Variants in TSHZ3 observed in about 807,000 individuals in gnomAD.
TSHZ3 encodes the protein teashirt zinc finger homeobox 3.
In TSHZ3, 10 loss-of-function variants were observed where a neutral mutation model predicts 64.5. That is an observed-to-expected ratio of 0.16 (90% CI 0.10 to 0.26). The LOEUF (loss-of-function observed/expected upper bound fraction) is 0.26, where lower values mean the gene tolerates loss of function less well. TSHZ3 is among the 10% of genes least tolerant of loss of function. TSHZ3 has a pLI of 1.00. For synonymous variants in TSHZ3, 608 were observed against 593.1 expected, an observed-to-expected ratio of 1.03 and a Z score of -0.36; for missense variants, 1,242 against 1,421.7, an observed-to-expected ratio of 0.87 and a Z score of 2.03.
chr19:31,308,660 G>C (rs1293103340), intron 1 of TSHZ3: 2 of 398,418 alleles, frequency 5.0e-6, no homozygotes, highest in Admixed American at 8.8e-5. Flanking sequence ...AGGGCAGCAC[G>C]TTCTCCACCC....
intron 1 of TSHZ3, among the ~76,000 whole-genome samples, chr19:31,343,971 T>C (rs1251876306): frequency 1.3e-5 from 2 of 152,222 alleles, no homozygotes; most frequent in East Asian, 1.9e-4. Flanking sequence ...TAACATAAAA[T>C]TGTCATCTTA....
At chr19:31,321,511 G>A (rs1916770540) in intron 1 of TSHZ3, among the ~76,000 whole-genome samples, 3 of 152,202 alleles carry the variant, frequency 2.0e-5, no homozygotes, top group Admixed American at 6.5e-5. Context: ...AGCTCTGCCT[G>A]AAACCTCATG....
chr19:31,308,828 T>G (rs563677148), intron 1 of TSHZ3: 230 of 395,526 alleles, frequency 5.8e-4, no homozygotes, highest in Non-Finnish European at 8.6e-4. Context: ...ATGGGCTTCA[T>G]TTGAAATGAG....
chr19:31,311,796 T>G (rs1014797849), intron 1 of TSHZ3, among the ~76,000 whole-genome samples: 3 of 152,148 alleles, frequency 2.0e-5, no homozygotes, highest in Non-Finnish European at 2.9e-5. Flanking sequence ...CTATCTCAGC[T>G]CACTGCAGCC....
chr19:31,251,722 G>A (rs10410909), intron 1 of TSHZ3, among the ~76,000 whole-genome samples: 50,025 of 152,084 alleles, frequency 0.33, 11,633 homozygotes, highest in African/African-American at 0.65. Context: ...CAAGGCCCCC[G>A]GAAGATGCAG....
At chr19:31,244,796 A>G (rs1342276433) in intron 1 of TSHZ3, among the ~76,000 whole-genome samples, 1 of 152,108 alleles carries the variant, frequency 6.6e-6, no homozygotes, top group Non-Finnish European at 1.5e-5. Flanking sequence ...GGCACATGCC[A>G]CCACACTTGG....
intron 3 of TSHZ3, among the ~76,000 whole-genome samples, chr19:31,236,634 G>A (rs899474064): frequency 1.3e-5 from 2 of 151,758 alleles, no homozygotes; most frequent in Non-Finnish European, 2.9e-5. Flanking sequence ...TAATGAAATC[G>A]GACCCTTATC....
At chr19:31,234,119 A>C (rs1315116329) in intron 3 of TSHZ3, among the ~76,000 whole-genome samples, 1 of 152,146 alleles carries the variant, frequency 6.6e-6, no homozygotes, top group East Asian at 1.9e-4. Context: ...TCCATGTAGA[A>C]ATCTTGCACA....
In TSHZ3 at chr19:31,226,977, C is replaced by CTTTTTTTTTTTTTTTTTTTTTTTTTT. The variant is rs3030229; in HGVS notation, n.686+1027_686+1028insAAAAAAAAAAAAAAAAAAAAAAAAAA. ...TTTTCTTCTCTTTCTTTCTTTCTTT[C>CTTTTTTTTTTTTTTTTTTTTTTTTTT]TTTTTTTTTTTTTTTTTTTGAGATG... On this transcript the variant is annotated intron_variant and non_coding_transcript_variant, in intron 4 of 6. Coordinates refer to the TSHZ3 transcript ENST00000651361. 3.2e-4 allele frequency among the ~76,000 whole-genome samples: 21 copies of CTTTTTTTTTTTTTTTTTTTTTTTTTT among 65,678 alleles called. 2 individuals are homozygous for CTTTTTTTTTTTTTTTTTTTTTTTTTT. Among genetic ancestry groups the CTTTTTTTTTTTTTTTTTTTTTTTTTT allele is most frequent in the African/African-American group, 1.5e-3 (15 of 10,310 alleles). 43.1% of individuals were successfully genotyped at this position (65,678 alleles called of 152,430 possible).
chr19:31,250,052 G>C (rs568708611), intron 1 of TSHZ3, among the ~76,000 whole-genome samples: 1 of 152,190 alleles, frequency 6.6e-6, no homozygotes, highest in African/African-American at 2.4e-5. Flanking sequence ...GGCTGCACGC[G>C]CCAGGCACAC....
intron 5 of TSHZ3, among the ~76,000 whole-genome samples, chr19:31,177,710 G>T (rs1338864007): frequency 6.6e-6 from 1 of 152,220 alleles, no homozygotes; most frequent in Non-Finnish European, 1.5e-5. Flanking sequence ...ATCTTTGGGG[G>T]TTGCTTTTTT....
Position 31,278,159 on chromosome 19 carries a change from C to A in TSHZ3, c.1634G>T (p.Gly545Val). The A allele has an allele frequency of 6.2e-7, 1 of 1,614,144 alleles. No homozygotes were observed. The highest frequency in any genetic ancestry group is 8.5e-7 in the Non-Finnish European group (1 of 1,180,020). ...NKAQNGTPSW[G>V]GYPSIHAAYQ... ...GGCGGCATGGATGCTGGGATAGCCC[C>A]CCCAGCTAGGAGTGCCGTTCTGGGC... The change falls in exon 2 of 2, where the codon GGG (glycine) becomes GTG (valine). Residue 545 changes from glycine to valine, a missense_variant. Gly to Val is a moderately radical substitution (Grantham distance 109). Transcript: ENST00000240587. This position sits in a 1 kb window ranked among gnomAD's most constrained non-coding sequence, Gnocchi z 4.7.
Position 31,348,804 on chromosome 19 carries a change from G to A in TSHZ3, c.40+376C>T, listed in dbSNP as rs567046820. On this transcript the variant is annotated intron_variant, in intron 1 of 1. Transcript: ENST00000240587. Reference sequence around the variant, plus strand: ...CCAGGCAGTCCCCCGGCGGTCGGCCGCTCGGAGGACGCGGAAGATGTCCCG... The same window carrying A: ...CCAGGCAGTCCCCCGGCGGTCGGCCACTCGGAGGACGCGGAAGATGTCCCG... 497 of 214,792 alleles carry A rather than the reference G, an allele frequency of 2.3e-3. 1 individual carries two copies. Among genetic ancestry groups the A allele is most frequent in the Non-Finnish European group, 3.7e-3 (405 of 108,856 alleles). The allele number at this position is 214,792 out of a possible 1,614,324, so 13.3% of individuals were successfully genotyped here.
chr19:31,233,336 C>T (rs1442613198), intron 3 of TSHZ3, among the ~76,000 whole-genome samples: 1 of 152,106 alleles, frequency 6.6e-6, no homozygotes, highest in African/African-American at 2.4e-5. Context: ...TGCATTTTCC[C>T]AATAACTAAT....
Position 31,325,148 on chromosome 19 carries a change from G to A in TSHZ3, c.40+24032C>T, listed in dbSNP as rs543232025. ...GGCACAGTGCCTCTGTGTCTTGGCCGTTGGGCTCTCTGAGCGACCTCAGGT... is the reference window on the plus strand; with the variant it reads ...GGCACAGTGCCTCTGTGTCTTGGCCATTGGGCTCTCTGAGCGACCTCAGGT... On this transcript the variant is annotated intron_variant, in intron 1 of 1. Coordinates refer to ENST00000240587, the MANE Select transcript of TSHZ3 (RefSeq NM_020856.4). Among the ~76,000 whole-genome samples, 101 of 152,334 alleles carry A rather than the reference G, an allele frequency of 6.6e-4. 1 individual carries two copies. The highest frequency in any genetic ancestry group is 3.4e-3 in the Middle Eastern group (1 of 294).
At chr19:31,302,108 C>A (rs1313612451) in intron 1 of TSHZ3, among the ~76,000 whole-genome samples, 1 of 152,290 alleles carries the variant, frequency 6.6e-6, no homozygotes, top group South Asian at 2.1e-4. Flanking sequence ...CCCAGCACCA[C>A]CTTAATGTGG....
chr19:31,307,628 C>T (rs1916338366), intron 1 of TSHZ3, among the ~76,000 whole-genome samples: 1 of 152,196 alleles, frequency 6.6e-6, no homozygotes, highest in African/African-American at 2.4e-5. Context: ...GTCAGTCGTA[C>T]ACAAACAAAG....
intron 1 of TSHZ3, among the ~76,000 whole-genome samples, chr19:31,300,952 G>A (rs147624573): frequency 3.3e-5 from 5 of 152,224 alleles, no homozygotes; most frequent in African/African-American, 1.2e-4. Flanking sequence ...CAAAAACACC[G>A]TTGAGAACAC....
intron 5 of TSHZ3, among the ~76,000 whole-genome samples, chr19:31,193,826 T>C (rs1166284317): frequency 6.6e-6 from 1 of 152,202 alleles, no homozygotes; most frequent in African/African-American, 2.4e-5. Flanking sequence ...GCTGGAAAAT[T>C]GGCAATGCAA....
Sources: allele counts gnomAD v4.1 joint callset (sites outside exome capture counted in the v4.1 genomes callset), GRCh38; gene constraint gnomAD v4.1.1; non-coding constraint Gnocchi (gnomAD v3.1); transcripts MANE v1.5; gene names NCBI Gene and HGNC (gene_info 2026-07-23, HGNC 2026-07-21).